Variants in CHD1L observed in about 807,000 individuals in gnomAD.
CHD1L encodes chromodomain helicase DNA binding protein 1 like.
In CHD1L, 118 loss-of-function variants were observed where a neutral mutation model predicts 115.9. The ratio of observed to expected loss-of-function variants is 1.02; its 90% CI spans 0.88 to 1.19. CHD1L has a LOEUF of 1.19. Among genes scored for constraint, CHD1L ranks in the 50% most tolerant of loss-of-function variants. The pLI is 0.00. For synonymous variants in CHD1L, 411 were observed against 387.1 expected (o/e 1.06, Z -0.72); for missense variants, 1,179 against 1,065.3 (o/e 1.11, Z -1.49).
chr1:147,267,580 C>T, intron 9 of CHD1L, 62 bp downstream of exon 9: 1 of 1,307,948 alleles, frequency 7.6e-7, no homozygotes, highest in Non-Finnish European at 1.1e-6. Flanking sequence ...CCAAATCATA[C>T]CAAAATTCTT....
the CHD1L span, among the ~76,000 whole-genome samples, chr1:147,226,692 A>G: frequency 2.1e-3 from 323 of 152,232 alleles, 1 homozygote; most frequent in African/African-American, 7.5e-3. Flanking sequence ...CCCTGAGTCA[A>G]TTTTGCTCTT....
intron 20 of CHD1L, among the ~76,000 whole-genome samples, chr1:147,291,780 TTC>T (rs1424446763): frequency 2.6e-5 from 4 of 152,106 alleles, no homozygotes; most frequent in Admixed American, 2.6e-4. Context: ...CTCCCGAGGA[TTC>T]TCTCCTTGGC....
chr1:147,246,453 G>C (rs1666653678), intron 1 of CHD1L, among the ~76,000 whole-genome samples: 1 of 152,196 alleles, frequency 6.6e-6, no homozygotes, highest in South Asian at 2.1e-4. Flanking sequence ...TATGGTAGTT[G>C]CATGTTTAGT....
At chr1:147,173,102 A>C in the CHD1L span, 1 of 152,614 alleles carries the variant, frequency 6.6e-6, no homozygotes, top group African/African-American at 2.4e-5. Context: ...GGAGATCAAG[A>C]CCATCCTGGC....
At position 147,242,740 on chromosome 1, in the gene CHD1L, G is replaced by T. The variant is rs782370058; in HGVS notation, c.37G>T (p.Ala13Ser). The change falls in exon 1 of 23, where the codon GCC (alanine) becomes TCC (serine). Residue 13 changes from alanine to serine, a missense_variant. Transcript: ENST00000369258. ...GGGCGCTACTAGCCGCGGGGGCCAAGCCCCTGGCTTCTTACTGCGGCTTCA... is the reference window on the plus strand; with the variant it reads ...GGGCGCTACTAGCCGCGGGGGCCAATCCCCTGGCTTCTTACTGCGGCTTCA... ...RAGATSRGGQ[A>S]PGFLLRLHTE... The T allele has an allele frequency of 5.3e-5, 67 of 1,261,788 alleles. No individual in the cohort carries two copies. The highest frequency in any genetic ancestry group is 2.4e-4 in the Middle Eastern group (1 of 4,236). The allele number at this position is 1,261,788 out of a possible 1,614,324, so 78.2% of individuals were successfully genotyped here.
chr1:147,280,968 C>G lies in CHD1L; in HGVS notation c.1705+777C>G, dbSNP rs925491734. On this transcript the variant is annotated intron_variant, in intron 15 of 22. Coordinates refer to ENST00000369258, the MANE Select transcript of CHD1L (RefSeq NM_004284.6). ...TATACACAATAGTGCTGTTTCTTCA[C>G]TAGATGGTAGCTCCTTTTTATTTTG... Among the ~76,000 whole-genome samples the G allele has an allele frequency of 2.0e-5, 3 of 152,170 alleles. No homozygotes were observed. The South Asian group carries it at 6.2e-4, about 32-fold the overall frequency.
the CHD1L span, chr1:147,213,347 G>A: frequency 3.1e-6 from 5 of 1,612,760 alleles, no homozygotes; most frequent in East Asian, 1.1e-4. Flanking sequence ...TTGGTGTGAT[G>A]GCCAGTGCAA....
At chr1:147,259,290 C>T (rs1301607900) in intron 5 of CHD1L, 5 of 152,206 alleles carry the variant, frequency 3.3e-5, no homozygotes, top group Admixed American at 1.3e-4. Flanking sequence ...ATATATCTTC[C>T]TGGACATCTC....
the CHD1L span, among the ~76,000 whole-genome samples, chr1:147,218,828 T>C: frequency 6.6e-6 from 1 of 152,314 alleles, no homozygotes; most frequent in South Asian, 2.1e-4. Context: ...ATCTGGAAAA[T>C]TTCCTGTCCT....
At chr1:147,225,301 C>G in the CHD1L span, 1 of 643,466 alleles carries the variant, frequency 1.6e-6, no homozygotes, top group Non-Finnish European at 2.4e-6. Context: ...TTTCCTGAAG[C>G]GCTCAACAGA....
the CHD1L span, chr1:147,201,380 T>C: frequency 1.3e-3 from 2,159 of 1,614,152 alleles, 1 homozygote; most frequent in Non-Finnish European, 1.7e-3. Context: ...TCATCCTCCC[T>C]GGAGCCATCC....
At chr1:147,278,963 G>C (rs909601166) in intron 14 of CHD1L, among the ~76,000 whole-genome samples, 1 of 152,124 alleles carries the variant, frequency 6.6e-6, no homozygotes, top group Non-Finnish European at 1.5e-5. Flanking sequence ...TAACAAGGGA[G>C]AGCCAGGAGG....
the CHD1L span, chr1:147,201,101 A>C: frequency 7.7e-7 from 1 of 1,306,894 alleles, no homozygotes; most frequent in African/African-American, 1.5e-5. Flanking sequence ...ACCTAAACAG[A>C]GGTAAACATA....
the CHD1L span, among the ~76,000 whole-genome samples, chr1:147,236,984 ACAG>A: frequency 1.3e-5 from 2 of 152,056 alleles, no homozygotes; most frequent in African/African-American, 4.8e-5. Flanking sequence ...GCTGGCATTC[ACAG>A]CACCCAAACT....
At chr1:147,203,556 G>A in the CHD1L span, 2 of 972,074 alleles carry the variant, frequency 2.1e-6, no homozygotes, top group South Asian at 1.3e-5. Flanking sequence ...TAACTCCAGA[G>A]TTTTCTCCAG....
the CHD1L span, chr1:147,204,427 A>G: frequency 1.7e-6 from 2 of 1,193,322 alleles, no homozygotes; most frequent in South Asian, 1.2e-5. Context: ...TTGTTTACAC[A>G]TTACAGAGGT....
the CHD1L span, among the ~76,000 whole-genome samples, chr1:147,230,845 T>G: frequency 6.6e-6 from 1 of 151,592 alleles, no homozygotes; most frequent in African/African-American, 2.4e-5. Context: ...TCTGTGGGAT[T>G]GGTGGTGATA....
At chr1:147,294,797 A>G (rs1309604358) in intron 22 of CHD1L, among the ~76,000 whole-genome samples, 3 of 152,224 alleles carry the variant, frequency 2.0e-5, no homozygotes, top group Non-Finnish European at 4.4e-5. Flanking sequence ...ATTTGGTAAC[A>G]TATTGAGTCT....
Position 147,280,083 on chromosome 1 carries a change from A to G in CHD1L, c.1597A>G (p.Met533Val). The stretch of plus-strand genomic sequence containing the variant: ...ACTGCTGGCCTCTGAGGGGAGCACC[A>G]TGGATGAAATAGACCTGGAGTCCAT... Reference protein sequence around the residue: ...DKLLASEGSTMDEIDLESILG... With the variant: ...DKLLASEGSTVDEIDLESILG... Residue 533 changes from methionine to valine, a missense_variant, in exon 15 of 23, where the codon ATG (methionine) becomes GTG (valine). Met to Val is a conservative substitution (Grantham distance 21). Transcript: ENST00000369258. 1 of 1,614,108 alleles carries G rather than the reference A, an allele frequency of 6.2e-7. No individual in the cohort carries two copies. The highest frequency in any genetic ancestry group is 8.5e-7 in the Non-Finnish European group (1 of 1,180,012).
Sources: gnomAD v4.1 joint callset for allele counts (sites outside exome capture counted in the v4.1 genomes callset) on GRCh38, gnomAD v4.1.1 for gene constraint, MANE v1.5 for transcripts, NCBI Gene and HGNC (gene_info 2026-07-23, HGNC 2026-07-21) for gene names.